The following IPO11 variants were observed in gnomAD, a reference collection of about 807,000 sequenced individuals.
IPO11 encodes importin-11.
Under a neutral mutation model 143.2 loss-of-function variants are expected in IPO11, and 66 were observed. The observed-to-expected ratio is 0.46, with a 90% CI of 0.38 to 0.57. The LOEUF is 0.57. Ranked by LOEUF, IPO11 falls within the 20% of genes least tolerant of loss-of-function variation. IPO11 has a pLI of 0.00. For missense variants in IPO11, 1,026 were observed against 1,141.0 expected, an observed-to-expected ratio of 0.90 and a Z score of 1.45; for synonymous variants, 385 against 377.8, an observed-to-expected ratio of 1.02 and a Z score of -0.22.
At chr5:62,509,971 A>G (rs910896562) in intron 19 of IPO11, among the ~76,000 whole-genome samples, 1 of 152,204 alleles carries the variant, frequency 6.6e-6, no homozygotes, top group Non-Finnish European at 1.5e-5. Flanking sequence ...TGGAAGCTCA[A>G]TGCTACTTTC....
intron 29 of IPO11, among the ~76,000 whole-genome samples, chr5:62,612,300 AC>A (rs1408499448): frequency 1.1e-4 from 16 of 152,316 alleles, no homozygotes; most frequent in African/African-American, 3.8e-4. Context: ...TTTTAATGTG[AC>A]AGAGAATGGG....
intron 12 of IPO11, 29 bp downstream of exon 12, chr5:62,485,491 A>G (rs753336046): frequency 1.3e-6 from 2 of 1,532,022 alleles, no homozygotes; most frequent in Admixed American, 3.4e-5. Context: ...AAAAATTGAT[A>G]GGGGAAAGCT....
chr5:62,517,059 G>A (rs543605175), intron 20 of IPO11, among the ~76,000 whole-genome samples: 5 of 152,094 alleles, frequency 3.3e-5, no homozygotes, highest in Admixed American at 2.0e-4. Flanking sequence ...TTAGCCAGGC[G>A]TGGTGGCGGG....
At chr5:62,592,423 G>A (rs910589116) in intron 28 of IPO11, among the ~76,000 whole-genome samples, 2 of 152,030 alleles carry the variant, frequency 1.3e-5, no homozygotes, top group South Asian at 2.1e-4. Flanking sequence ...AACATAATGT[G>A]TCTGATATGT....
At chr5:62,517,895 G>A (rs1742079964) in intron 20 of IPO11, among the ~76,000 whole-genome samples, 1 of 152,182 alleles carries the variant, frequency 6.6e-6, no homozygotes, top group Admixed American at 6.5e-5. Context: ...GGCCAAGAGT[G>A]CAAGGTTCAA....
intron 28 of IPO11, 55 bp downstream of exon 28, chr5:62,591,727 G>A (rs1745026562): frequency 8.6e-7 from 1 of 1,167,208 alleles, no homozygotes; most frequent in African/African-American, 1.6e-5. Flanking sequence ...TTAAATACAT[G>A]CTGCATGATT....
chr5:62,495,974 G>A (rs1042419896), intron 16 of IPO11, among the ~76,000 whole-genome samples: 2 of 152,086 alleles, frequency 1.3e-5, no homozygotes, highest in Admixed American at 6.5e-5. Context: ...TCTTAGTTAG[G>A]CAACTGGTCA....
chr5:62,440,415 T>C (rs368600102), intron 2 of IPO11, among the ~76,000 whole-genome samples: 8 of 148,536 alleles, frequency 5.4e-5, no homozygotes, highest in African/African-American at 2.0e-4. Context: ...AGTGCAGTGG[T>C]GTGATCTCAG....
intron 27 of IPO11, among the ~76,000 whole-genome samples, chr5:62,581,786 G>A (rs1300394987): frequency 6.6e-6 from 1 of 152,162 alleles, no homozygotes; most frequent in African/African-American, 2.4e-5. Context: ...TTGAAATTTA[G>A]AGGAGGAGAT....
intron 29 of IPO11, among the ~76,000 whole-genome samples, chr5:62,619,697 CA>C (rs1352861540): frequency 6.6e-6 from 1 of 151,824 alleles, no homozygotes; most frequent in Non-Finnish European, 1.5e-5. Context: ...ACTAAAAATA[CA>C]AAAAATTAGC....
intron 27 of IPO11, among the ~76,000 whole-genome samples, chr5:62,566,772 A>T (rs1377313674): frequency 6.6e-6 from 1 of 151,854 alleles, no homozygotes; most frequent in Admixed American, 6.6e-5. Flanking sequence ...TTTATAATTC[A>T]TAAAGATATG....
intron 29 of IPO11, 35 bp from the exon 30 acceptor site, chr5:62,627,119 T>G (rs1380771086): frequency 6.4e-7 from 1 of 1,563,124 alleles, no homozygotes; most frequent in Non-Finnish European, 8.7e-7. Flanking sequence ...TTGTTTTGCT[T>G]TTTTGACAGT....
intron 27 of IPO11, among the ~76,000 whole-genome samples, chr5:62,582,574 G>A (rs1181584692): frequency 2.0e-5 from 3 of 152,160 alleles, no homozygotes; most frequent in Non-Finnish European, 4.4e-5. Flanking sequence ...ACTTTCATCT[G>A]TCCAGTACAC....
chr5:62,573,184 C>T (rs913521032), intron 27 of IPO11, among the ~76,000 whole-genome samples: 1 of 152,064 alleles, frequency 6.6e-6, no homozygotes, highest in Admixed American at 6.6e-5. Flanking sequence ...CGCCCGGCTA[C>T]TTTAAAGCTT....
chr5:62,608,411 A>G lies in IPO11; in HGVS notation c.2763+6563A>G, dbSNP rs374785533. Among the ~76,000 whole-genome samples the G allele has an allele frequency of 3.9e-5, 6 of 152,330 alleles. No individual in the cohort carries two copies. In the South Asian group the frequency reaches 1.0e-3, roughly 26 times the overall value. Reference sequence around the variant, plus strand: ...TAAAAGCTTCACATGTTCTTTTGGTATATAACCAGGGTTGAAAACCACTAG... The same window carrying G: ...TAAAAGCTTCACATGTTCTTTTGGTGTATAACCAGGGTTGAAAACCACTAG... On this transcript the variant is annotated intron_variant, in intron 29 of 29. Coordinates refer to ENST00000325324, the MANE Select transcript of IPO11 (RefSeq NM_016338.5).
Position 62,540,644 on chromosome 5 carries a change from A to G in IPO11, c.2250+3355A>G, listed in dbSNP as rs116341734. Among the ~76,000 whole-genome samples the G allele has an allele frequency of 7.8e-3, 1,188 of 152,366 alleles. 5 individuals carry two copies. Among genetic ancestry groups the G allele is most frequent in the Non-Finnish European group, 0.013 (891 of 68,032 alleles). ...CCAGGGTTAGAACATTGGCTCTGCT[A>G]CTTCACAGCTATGTGATGTGGACAG... On this transcript the variant is annotated intron_variant, in intron 24 of 29. Coordinates refer to ENST00000325324, the MANE Select transcript of IPO11 (RefSeq NM_016338.5).
intron 29 of IPO11, among the ~76,000 whole-genome samples, chr5:62,608,997 A>G (rs934791622): frequency 2.6e-5 from 4 of 152,148 alleles, no homozygotes; most frequent in African/African-American, 9.7e-5. Flanking sequence ...TAGGACTCAT[A>G]CACTGTGTAG....
chr5:62,444,097 CTTT>C (rs533439906), intron 3 of IPO11, among the ~76,000 whole-genome samples: 4 of 139,174 alleles, frequency 2.9e-5, no homozygotes, highest in Admixed American at 7.3e-5. Context: ...ATGTCTTTTT[CTTT>C]TTTTTTTTTT....
chr5:62,527,422 T>G (rs1409496147), intron 21 of IPO11, among the ~76,000 whole-genome samples: 1 of 152,318 alleles, frequency 6.6e-6, no homozygotes, highest in East Asian at 1.9e-4. Context: ...TTAAACATCA[T>G]TTATAGAAAT....
Sources: gnomAD v4.1 joint callset for allele counts (sites outside exome capture counted in the v4.1 genomes callset) on GRCh38, gnomAD v4.1.1 for gene constraint, MANE v1.5 for transcripts, NCBI Gene and HGNC (gene_info 2026-07-23, HGNC 2026-07-21) for gene names.